Variants in PRKG1 observed in about 807,000 individuals in gnomAD.
PRKG1 encodes cGMP-dependent protein kinase 1.
A neutral mutation model predicts 88.1 loss-of-function variants in PRKG1; 35 were observed. The observed-to-expected ratio is 0.40, with a 90% confidence interval of 0.30 to 0.53. The LOEUF is 0.53. Ranked by LOEUF, PRKG1 falls within the 20% of genes least tolerant of loss-of-function variation. PRKG1 has a pLI of 0.59. For synonymous variants in PRKG1, 303 were observed against 292.5 expected (o/e 1.04, Z -0.37); for missense variants, 540 against 839.8 (o/e 0.64, Z 4.41).
intron 17 of PRKG1, among the ~76,000 whole-genome samples, chr10:52,292,373 T>C (rs945781693): frequency 2.0e-5 from 3 of 152,070 alleles, no homozygotes; most frequent in African/African-American, 7.2e-5. Context: ...CTAGGTCTTC[T>C]TCTAGGGTTT....
At chr10:51,708,566 T>G (rs1248926851) in intron 3 of PRKG1, among the ~76,000 whole-genome samples, 1 of 152,184 alleles carries the variant, frequency 6.6e-6, no homozygotes, top group Non-Finnish European at 1.5e-5. Flanking sequence ...TTTGTACATT[T>G]GTGGTGGTTT....
At chr10:51,716,020 G>T (rs1841876859) in intron 3 of PRKG1, among the ~76,000 whole-genome samples, 1 of 152,178 alleles carries the variant, frequency 6.6e-6, no homozygotes, top group Non-Finnish European at 1.5e-5. Flanking sequence ...GAGGCTTCTT[G>T]CTATGTGGAT....
intron 2 of PRKG1, among the ~76,000 whole-genome samples, chr10:51,401,593 T>C (rs985342797): frequency 8.5e-5 from 13 of 152,302 alleles, no homozygotes; most frequent in Non-Finnish European, 1.5e-4. Context: ...AACTGTTTTT[T>C]AAGTTTGTTT....
chr10:51,859,559 C>T (rs1208869140), intron 4 of PRKG1, among the ~76,000 whole-genome samples: 1 of 151,998 alleles, frequency 6.6e-6, no homozygotes, highest in Non-Finnish European at 1.5e-5. Context: ...GAAACTCTGA[C>T]ACATGAACAA....
At chr10:51,462,406 A>T (rs1368156932) in intron 2 of PRKG1, among the ~76,000 whole-genome samples, 1 of 152,214 alleles carries the variant, frequency 6.6e-6, no homozygotes, top group Non-Finnish European at 1.5e-5. Context: ...ATAAGGATAA[A>T]CAAAGCCGGG....
chr10:51,039,839 AG>A (rs949499210), intron 1 of PRKG1, among the ~76,000 whole-genome samples: 1 of 152,164 alleles, frequency 6.6e-6, no homozygotes, highest in African/African-American at 2.4e-5. Context: ...CATTTATTAA[AG>A]AGATTGTTCT....
intron 1 of PRKG1, among the ~76,000 whole-genome samples, chr10:51,104,698 T>TTTTATTTTATTTA (rs1554836446): frequency 2.2e-5 from 3 of 136,154 alleles, no homozygotes; most frequent in Admixed American, 7.4e-5. Context: ...TTTATTTTTA[T>TTTTATTTTATTTA]TTTATTTATT....
chr10:51,990,422 G>A (rs151161348), intron 5 of PRKG1, among the ~76,000 whole-genome samples: 1,650 of 152,178 alleles, frequency 0.011, 83 homozygotes, highest in Admixed American at 0.081. Context: ...GCTTTGAGGA[G>A]TATGCACATT....
At chr10:51,118,428 T>C (rs1421781984) in intron 1 of PRKG1, among the ~76,000 whole-genome samples, 1 of 152,164 alleles carries the variant, frequency 6.6e-6, no homozygotes, top group African/African-American at 2.4e-5. Flanking sequence ...CTAAAAGTAA[T>C]GTTTGAATTC....
chr10:51,998,521 C>G lies in PRKG1; in HGVS notation c.763-55963C>G, dbSNP rs151243594. ...AAGATGTTTTTAAATATTTTATCTA[C>G]TGTATTTAGTTGTTTCCAACAGCCT... is the stretch of plus-strand genomic sequence containing the variant. On this transcript the variant is annotated intron_variant, in intron 5 of 17. Transcript: ENST00000373980. 8.7e-3 allele frequency among the ~76,000 whole-genome samples: 1,326 copies of G among 152,122 alleles called. 81 individuals are homozygous for G. Among genetic ancestry groups the G allele is most frequent in the Admixed American group, 0.081 (1,234 of 15,280 alleles).
At chr10:51,275,146 A>G (rs2132185892) in intron 2 of PRKG1, among the ~76,000 whole-genome samples, 1 of 152,348 alleles carries the variant, frequency 6.6e-6, no homozygotes, top group East Asian at 1.9e-4. Flanking sequence ...ATTGGACATG[A>G]CATCCTTATT....
chr10:51,113,944 CGTGTGTGTGT>C (rs35562284), intron 1 of PRKG1, among the ~76,000 whole-genome samples: 61 of 139,124 alleles, frequency 4.4e-4, no homozygotes, highest in African/African-American at 1.1e-3. Flanking sequence ...AGCCTGTAAA[CGTGTGTGTGT>C]GTGTGTGTGT....
At chr10:51,177,293 C>T (rs1345823421) in intron 2 of PRKG1, among the ~76,000 whole-genome samples, 1 of 152,102 alleles carries the variant, frequency 6.6e-6, no homozygotes, top group Non-Finnish European at 1.5e-5. Context: ...AATCACTGAG[C>T]AAAATGGATG....
intron 4 of PRKG1, among the ~76,000 whole-genome samples, chr10:51,858,569 A>C (rs547700527): frequency 1.4e-5 from 2 of 148,138 alleles, no homozygotes; most frequent in South Asian, 2.1e-4. Context: ...TAAAAAAAAA[A>C]CCCTATTAAA....
In PRKG1 at chr10:52,042,604, C is replaced by A. The variant is rs1357184652; in HGVS notation, c.763-11880C>A. 2.0e-5 allele frequency among the ~76,000 whole-genome samples: 3 copies of A among 151,866 alleles called. No individual in the cohort carries two copies. In the East Asian group the frequency reaches 5.8e-4, roughly 29 times the overall value. On this transcript the variant is annotated intron_variant, in intron 5 of 17. Transcript: ENST00000373980. ...GGATTAAAGACTTAAACATAAGACC[C>A]AAAACTATGAAAGTACTAGAAGAAC...
chr10:52,109,438 G>A (rs1847503317), intron 7 of PRKG1, among the ~76,000 whole-genome samples: 2 of 152,060 alleles, frequency 1.3e-5, no homozygotes, highest in African/African-American at 4.8e-5. Context: ...ACTGGTCAAA[G>A]AAAAAAATTA....
intron 3 of PRKG1, among the ~76,000 whole-genome samples, chr10:51,705,939 A>G (rs1841594299): frequency 6.6e-6 from 1 of 152,228 alleles, no homozygotes; most frequent in African/African-American, 2.4e-5. Flanking sequence ...TAAGTAGTAC[A>G]GTAATCACAA....
intron 2 of PRKG1, among the ~76,000 whole-genome samples, chr10:51,373,879 C>T (rs1354861433): frequency 6.6e-6 from 1 of 151,342 alleles, no homozygotes; most frequent in East Asian, 1.9e-4. Flanking sequence ...CATGGTGGCT[C>T]ACGCCTGTAA....
At chr10:51,408,541 T>A (rs1163125593) in intron 2 of PRKG1, among the ~76,000 whole-genome samples, 1 of 152,188 alleles carries the variant, frequency 6.6e-6, no homozygotes, top group Non-Finnish European at 1.5e-5. Flanking sequence ...CTTTCCTTGA[T>A]GGAAGAGGTT....
Sources: gnomAD v4.1 joint callset for allele counts (sites outside exome capture counted in the v4.1 genomes callset) on GRCh38, gnomAD v4.1.1 for gene constraint, MANE v1.5 for transcripts, NCBI Gene and HGNC (gene_info 2026-07-23, HGNC 2026-07-21) for gene names.